Variants in ADAM19 observed in about 807,000 individuals in gnomAD.
The protein encoded by ADAM19 is disintegrin and metalloproteinase domain-containing protein 19.
ADAM19 carries 65 observed loss-of-function variants against 114.7 expected under a neutral mutation model. The observed-to-expected ratio is 0.57, with a 90% CI of 0.46 to 0.70. The LOEUF (loss-of-function observed/expected upper bound fraction) is 0.70. Ranked by LOEUF, ADAM19 falls within the 30% of genes least tolerant of loss-of-function variation. The pLI is 0.00. For missense variants in ADAM19, 1,063 were observed against 1,204.7 expected (o/e 0.88, Z 1.74); for synonymous variants, 466 against 460.5 (o/e 1.01, Z -0.15).
chr5:157,487,051 A>G (rs932355201), intron 21 of ADAM19, among the ~76,000 whole-genome samples: 5 of 152,092 alleles, frequency 3.3e-5, no homozygotes, highest in African/African-American at 1.2e-4. Context: ...CAACCCTTCC[A>G]GCACCTTGAC....
rs1258442300 is a variant in ADAM19, at chr5:157,575,654, A to G, written c.43T>C (p.Phe15Leu). 2.1e-6 allele frequency: 3 copies of G among 1,406,694 alleles called. No individual in the cohort carries two copies. The highest frequency in any genetic ancestry group is 9.2e-7 in the Non-Finnish European group (1 of 1,088,044). The allele number at this position is 1,406,694 out of a possible 1,614,324, so 87.1% of individuals were successfully genotyped here. Residue 15 changes from phenylalanine (F) to leucine (L), a missense_variant, in exon 1 of 23, where the codon TTT (phenylalanine) becomes CTT (leucine). By Grantham distance (22) the Phe-to-Leu change is conservative. Around this residue, in one of 3 missense-constraint regions of ADAM19, gnomAD observed 615 missense variants for 706.3 expected, o/e 0.87. Transcript: ENST00000257527. Reference protein sequence around the residue: ...AGAARLCLLAFALQPLRPRAA... With the variant: ...AGAARLCLLALALQPLRPRAA... ...CGCGGCCGGAGGGGCTGCAGGGCAA[A>G]CGCCAGCAAGCAGAGCCGGGCGGCG... is the stretch of plus-strand genomic sequence containing the variant.
intron 1 of ADAM19, among the ~76,000 whole-genome samples, chr5:157,572,025 C>T (rs908745576): frequency 2.6e-5 from 4 of 152,202 alleles, no homozygotes; most frequent in Admixed American, 6.5e-5. Flanking sequence ...TCCCAAATCA[C>T]TCTCCCAAAC....
At chr5:157,521,860 G>A (rs1307877773) in intron 5 of ADAM19, among the ~76,000 whole-genome samples, 2 of 152,148 alleles carry the variant, frequency 1.3e-5, no homozygotes, top group African/African-American at 2.4e-5. Flanking sequence ...TTCCCCTAAC[G>A]GCTACACACT....
At chr5:157,546,804 G>A (rs1757063372) in intron 3 of ADAM19, among the ~76,000 whole-genome samples, 1 of 152,202 alleles carries the variant, frequency 6.6e-6, no homozygotes, top group Non-Finnish European at 1.5e-5. Context: ...CATGGAAGAG[G>A]CTGGAAAAGA....
intron 11 of ADAM19, among the ~76,000 whole-genome samples, 197 bp downstream of exon 11, chr5:157,505,472 C>T (rs1755714120): frequency 6.6e-6 from 1 of 152,204 alleles, no homozygotes; most frequent in Non-Finnish European, 1.5e-5. Context: ...AGCACCAAAC[C>T]TCCTGCTGGA....
At chr5:157,575,376 C>T (rs1254811695) in intron 1 of ADAM19, among the ~76,000 whole-genome samples, 2 of 152,236 alleles carry the variant, frequency 1.3e-5, no homozygotes, top group African/African-American at 2.4e-5. Context: ...AGCCAGTGAG[C>T]GGACCGGCTG....
At position 157,481,917 on chromosome 5, in the gene ADAM19, C is replaced by T; in HGVS notation, c.2577G>A (p.Gln859=). Residue 859 remains glutamine (Q), a synonymous_variant, in exon 22 of 23, where the codon CAG becomes CAA. Coordinates refer to ENST00000257527, the MANE Select transcript of ADAM19 (RefSeq NM_033274.5). ...SQDFSRPRPP[Q]KALPANPVPG... is the part of the protein sequence containing the mutation. ...GCACTGGGTTTGCCGGGAGTGCCTT[C>T]TGGGGCGGCCGAGGCCTGGAGAAGT... is the stretch of plus-strand genomic sequence containing the variant. The T allele has an allele frequency of 6.2e-7, 1 of 1,605,994 alleles. No individual in the cohort carries two copies. The highest frequency in any genetic ancestry group is 8.5e-7 in the Non-Finnish European group (1 of 1,175,764).
At chr5:157,502,577 G>T (rs933290761) in intron 12 of ADAM19, among the ~76,000 whole-genome samples, 5 of 152,212 alleles carry the variant, frequency 3.3e-5, no homozygotes, top group Non-Finnish European at 7.3e-5. Context: ...ACACTCATAA[G>T]AAGAACTGAT....
In ADAM19 at chr5:157,538,870, G is replaced by A. The variant is rs78606727; in HGVS notation, c.252-879C>T. On this transcript the variant is annotated intron_variant, in intron 3 of 22. Coordinates refer to ENST00000257527, the MANE Select transcript of ADAM19 (RefSeq NM_033274.5). The stretch of plus-strand genomic sequence containing the variant: ...ACATTAAAGGCAGAATTGATCTACA[G>A]AAAGTCAAGGTCAGCCAGGTGTGGT... Among the ~76,000 whole-genome samples the A allele has an allele frequency of 3.4e-3, 512 of 152,296 alleles. 2 individuals carry two copies. Among genetic ancestry groups the A allele is most frequent in the Non-Finnish European group, 5.0e-3 (339 of 68,014 alleles).
chr5:157,569,416 C>CTTTTTTT (rs1196722802), intron 2 of ADAM19, among the ~76,000 whole-genome samples: 20 of 97,874 alleles, frequency 2.0e-4, no homozygotes, highest in African/African-American at 4.3e-4. Flanking sequence ...AGCTAATTTT[C>CTTTTTTT]TTTTTTTTTT....
At chr5:157,543,477 T>G (rs1364191111) in intron 3 of ADAM19, among the ~76,000 whole-genome samples, 1 of 152,200 alleles carries the variant, frequency 6.6e-6, no homozygotes, top group Non-Finnish European at 1.5e-5. Flanking sequence ...AAAATCTACT[T>G]CACAGTGCCC....
chr5:157,521,543 C>T (rs530549452), intron 5 of ADAM19, among the ~76,000 whole-genome samples: 83 of 152,286 alleles, frequency 5.5e-4, no homozygotes, highest in African/African-American at 1.5e-3. Context: ...GGAAAATCAG[C>T]GCCAGGCTCT....
At chr5:157,482,816 T>G (rs898974816) in intron 21 of ADAM19, among the ~76,000 whole-genome samples, 1 of 152,160 alleles carries the variant, frequency 6.6e-6, no homozygotes, top group Non-Finnish European at 1.5e-5. Context: ...CAAATGCCCA[T>G]CAATGATAGA....
chr5:157,481,283 A>G, intron 22 of ADAM19: 1 of 575,984 alleles, frequency 1.7e-6, no homozygotes, highest in South Asian at 2.1e-5. Flanking sequence ...GCCTCGTGGG[A>G]ATACAGCATG....
intron 3 of ADAM19, among the ~76,000 whole-genome samples, chr5:157,553,322 C>T (rs62388531): frequency 0.23 from 35,590 of 151,998 alleles, 4,211 homozygotes; most frequent in South Asian, 0.37. Flanking sequence ...TATGTATGTA[C>T]TCACAAAAAT....
chr5:157,547,245 G>C (rs1325863659), intron 3 of ADAM19, among the ~76,000 whole-genome samples: 1 of 152,158 alleles, frequency 6.6e-6, no homozygotes. Flanking sequence ...CAAGGAAAGA[G>C]GTGGCTTGTC....
chr5:157,501,651 G>C (rs1015173378), intron 12 of ADAM19, among the ~76,000 whole-genome samples: 1 of 152,184 alleles, frequency 6.6e-6, no homozygotes, highest in Non-Finnish European at 1.5e-5. Context: ...TGATGGGTCT[G>C]TGTTGATCTC....
chr5:157,560,032 G>T (rs967055083), intron 3 of ADAM19, among the ~76,000 whole-genome samples: 1 of 151,904 alleles, frequency 6.6e-6, no homozygotes, highest in Admixed American at 6.6e-5. Flanking sequence ...TTGGGAGGCC[G>T]AGGCGGGCGG....
At chr5:157,575,098 C>G (rs1757935787) in intron 1 of ADAM19, among the ~76,000 whole-genome samples, 1 of 152,240 alleles carries the variant, frequency 6.6e-6, no homozygotes, top group African/African-American at 2.4e-5. Context: ...AAGGCTACCA[C>G]AGTCTGCCGC....
Sources: gnomAD v4.1 joint callset for allele counts (sites outside exome capture counted in the v4.1 genomes callset) on GRCh38, gnomAD v4.1.1 for gene constraint, gnomAD v4.1.1 regional missense constraint, MANE v1.5 for transcripts, NCBI Gene and HGNC (gene_info 2026-07-23, HGNC 2026-07-21) for gene names.